The following POLR3B variants were observed in gnomAD, a reference collection of about 807,000 sequenced individuals.
The protein encoded by POLR3B is RNA polymerase III subunit B.
In POLR3B, 96 loss-of-function variants were observed where a neutral mutation model predicts 147.4. The observed-to-expected ratio is 0.65, with a 90% CI of 0.55 to 0.77. The LOEUF (loss-of-function observed/expected upper bound fraction) is 0.77, where lower values mean the gene tolerates loss of function less well. Among genes scored for constraint, POLR3B ranks in the 30% least tolerant of loss-of-function variants. The probability of loss-of-function intolerance (pLI) is 0.00; values close to 1 mark genes in which losing one functional copy is unlikely to be tolerated. For missense variants in POLR3B, 1,036 were observed against 1,413.5 expected (o/e 0.73, Z 4.28); for synonymous variants, 461 against 485.9 (o/e 0.95, Z 0.67).
rs926704354 is a variant in POLR3B at position 106,509,740 on chromosome 12, C to T, written c.*191C>T. The T allele has an allele frequency of 2.3e-5, 12 of 529,116 alleles. No homozygotes were observed. The highest frequency in any genetic ancestry group is 5.7e-5 in the African/African-American group (3 of 52,214). 32.8% of individuals were successfully genotyped at this position (529,116 alleles called of 1,614,324 possible). On this transcript the variant is annotated 3_prime_UTR_variant, in exon 28 of 28. Transcript: ENST00000228347. ...CTAAACAACCTTGATCATTGAGCCT[C>T]GAGCCATGGGAGAGATGCTGACCAT...
At chr12:106,375,869 G>GT (rs879493547) in intron 6 of POLR3B, among the ~76,000 whole-genome samples, 24 of 152,150 alleles carry the variant, frequency 1.6e-4, no homozygotes, top group Admixed American at 7.9e-4. Flanking sequence ...TTTTTGTTTT[G>GT]TTTTTTGAGA....
intron 23 of POLR3B, among the ~76,000 whole-genome samples, chr12:106,470,095 C>T (rs769900377): frequency 2.3e-4 from 35 of 152,136 alleles, no homozygotes; most frequent in Non-Finnish European, 4.0e-4. Context: ...ATCAATCAAA[C>T]GTAGATTTGG....
Position 106,437,779 on chromosome 12 carries a change from A to G in POLR3B, c.1955A>G (p.Lys652Arg). 1 of 1,514,790 alleles carries G rather than the reference A, an allele frequency of 6.6e-7. No homozygotes were observed. The highest frequency in any genetic ancestry group is 1.1e-5 in the South Asian group (1 of 88,984). 93.8% of individuals were successfully genotyped at this position (1,514,790 alleles called of 1,614,324 possible). ...GCACTGTACGAACACACAATTAATA[A>G]GTAAGTAGGATCCATAGCAACCATA... ...NIALYEHTIN[K>R]DTTHLEIEPF... The change falls in exon 18 of 28, where the codon AAA (lysine) becomes AGA (arginine). Residue 652 changes from lysine (K) to arginine (R), a missense_variant and splice_region_variant. Physicochemically the swap from Lys to Arg is conservative, Grantham distance 26. Coordinates refer to ENST00000228347, the MANE Select transcript of POLR3B (RefSeq NM_018082.6).
intron 10 of POLR3B, among the ~76,000 whole-genome samples, chr12:106,396,547 T>C (rs1052796769): frequency 1.3e-5 from 2 of 152,104 alleles, no homozygotes; most frequent in Non-Finnish European, 2.9e-5. Context: ...AACATACATG[T>C]AAATAGATCA....
chr12:106,392,251 C>T (rs1428808949), intron 9 of POLR3B, among the ~76,000 whole-genome samples: 2 of 152,166 alleles, frequency 1.3e-5, no homozygotes, highest in African/African-American at 2.4e-5. Context: ...CAACCTCCAC[C>T]GCCCGGGTTC....
chr12:106,438,832 C>A (rs2037612921), intron 18 of POLR3B, among the ~76,000 whole-genome samples: 1 of 140,168 alleles, frequency 7.1e-6, no homozygotes, highest in African/African-American at 2.9e-5. Context: ...ATAGTCTGTT[C>A]AAAAACTCTA....
chr12:106,446,222 C>T, intron 19 of POLR3B: 1 of 455,424 alleles, frequency 2.2e-6, no homozygotes, highest in South Asian at 1.6e-5. Flanking sequence ...CCAGCTGAAA[C>T]AATACACCTT....
At chr12:106,464,312 G>C (rs61941922) in intron 23 of POLR3B, among the ~76,000 whole-genome samples, 59,754 of 152,000 alleles carry the variant, frequency 0.39, 13,939 homozygotes, top group African/African-American at 0.65. Context: ...GCTTTAAGAA[G>C]AACAACAGCT....
At chr12:106,380,628 A>G (rs1460060233) in intron 9 of POLR3B, among the ~76,000 whole-genome samples, 2 of 152,130 alleles carry the variant, frequency 1.3e-5, no homozygotes, top group East Asian at 3.9e-4. Context: ...ATGTGCCTAT[A>G]GTTTCAGCTA....
intron 13 of POLR3B, among the ~76,000 whole-genome samples, chr12:106,429,733 C>A (rs935233185): frequency 2.6e-5 from 4 of 152,006 alleles, no homozygotes; most frequent in East Asian, 1.9e-4. Context: ...ATTCCTTAAA[C>A]CTTAATTAAG....
At chr12:106,421,199 G>T (rs1283685725) in intron 12 of POLR3B, among the ~76,000 whole-genome samples, 26 of 151,436 alleles carry the variant, frequency 1.7e-4, no homozygotes, top group Admixed American at 1.6e-3. Flanking sequence ...ACTGATCAAG[G>T]ACTTTGTATT....
chr12:106,375,160 C>T (rs895254137), intron 6 of POLR3B, among the ~76,000 whole-genome samples: 12 of 152,206 alleles, frequency 7.9e-5, no homozygotes, highest in South Asian at 2.1e-4. Flanking sequence ...ACACACACTT[C>T]GAGCACACTG....
At chr12:106,470,074 CT>C (rs1323792534) in intron 23 of POLR3B, among the ~76,000 whole-genome samples, 2 of 152,212 alleles carry the variant, frequency 1.3e-5, no homozygotes, top group Non-Finnish European at 2.9e-5. Flanking sequence ...CTCCTCATCA[CT>C]TTCAGGTACA....
chr12:106,484,158 A>G lies in POLR3B; in HGVS notation c.2714-11897A>G, dbSNP rs142631780. Among the ~76,000 whole-genome samples the G allele has an allele frequency of 1.1e-4, 17 of 152,256 alleles. 1 individual carries two copies. The highest frequency in any genetic ancestry group is 3.8e-4 in the African/African-American group (16 of 41,574). Reference sequence around the variant, plus strand: ...TTTGATAAAGATGTGAAAGAAAAACAGGGGGCAGCAGAGAAGAGCAAATGA... The same window carrying G: ...TTTGATAAAGATGTGAAAGAAAAACGGGGGGCAGCAGAGAAGAGCAAATGA... On this transcript the variant is annotated intron_variant, in intron 23 of 27. Transcript: ENST00000228347.
chr12:106,391,523 C>T (rs138276683), intron 9 of POLR3B, among the ~76,000 whole-genome samples: 145 of 152,290 alleles, frequency 9.5e-4, no homozygotes, highest in African/African-American at 3.4e-3. Context: ...CCCAAATCTT[C>T]AAAACTTTCT....
Position 106,369,656 on chromosome 12 carries a change from T to A in POLR3B, c.377T>A (p.Ile126Asn). 3 of 1,611,326 alleles carry A rather than the reference T, an allele frequency of 1.9e-6. No individual in the cohort carries two copies. The highest frequency in any genetic ancestry group is 2.5e-6 in the Non-Finnish European group (3 of 1,177,486). ...GAATATACCCGAGGCAGCCAGAGGA[T>A]CATCCGCAATGCCTTACCTATCGGC... ...DIEYTRGSQRIIRNALPIGRM... is the reference protein window; with the variant it reads ...DIEYTRGSQRNIRNALPIGRM... Residue 126 changes from isoleucine (I) to asparagine (N), a missense_variant, in exon 6 of 28, where the codon ATC becomes AAC. Transcript: ENST00000228347.
At position 106,457,195 on chromosome 12, in the gene POLR3B, A is replaced by C. The variant is rs766728879; in HGVS notation, c.2351A>C (p.Asn784Thr). ...NAKCTLKRYTNQTFDKVMGPM... is the reference protein window; with the variant it reads ...NAKCTLKRYTTQTFDKVMGPM... ...AAATGTACGTTGAAACGATACACCA[A>C]TCAGACTTTTGATAAAGTGATGGGG... Residue 784 changes from asparagine (N) to threonine (T), a missense_variant, in exon 21 of 28, where the codon AAT (asparagine) becomes ACT (threonine). By Grantham distance (65) the Asn-to-Thr change is moderately conservative. This residue lies in a region of POLR3B where 202 missense variants were observed against 272.8 expected (regional missense o/e 0.74). Coordinates refer to ENST00000228347, the MANE Select transcript of POLR3B (RefSeq NM_018082.6). 1.2e-6 allele frequency: 2 copies of C among 1,613,080 alleles called. No homozygotes were observed. The highest frequency in any genetic ancestry group is 2.2e-5 in the East Asian group (1 of 44,868).
chr12:106,395,358 G>A (rs2036965292), intron 10 of POLR3B, among the ~76,000 whole-genome samples: 1 of 152,220 alleles, frequency 6.6e-6, no homozygotes, highest in African/African-American at 2.4e-5. Context: ...CATGGCAGAA[G>A]GCAAAGGAGG....
rs561548497 is a variant in POLR3B, at chr12:106,399,317, T to C, written c.846+6164T>C. 3.0e-3 allele frequency among the ~76,000 whole-genome samples: 455 copies of C among 152,190 alleles called. 1 individual carries two copies. Among genetic ancestry groups the C allele is most frequent in the African/African-American group, 9.4e-3 (391 of 41,536 alleles). The stretch of plus-strand genomic sequence containing the variant: ...AAACGAACAAAGCCTCCAAGAAATA[T>C]GGGACTATATGAAAAGACCAAATGT... On this transcript the variant is annotated intron_variant, in intron 10 of 27. Coordinates refer to ENST00000228347, the MANE Select transcript of POLR3B (RefSeq NM_018082.6).
Sources: gnomAD v4.1 joint callset for allele counts (sites outside exome capture counted in the v4.1 genomes callset) on GRCh38, gnomAD v4.1.1 for gene constraint, gnomAD v4.1.1 regional missense constraint, MANE v1.5 for transcripts, NCBI Gene and HGNC (gene_info 2026-07-23, HGNC 2026-07-21) for gene names.